Variants in TRPC3 observed in about 807,000 individuals in gnomAD.
TRPC3 encodes the protein short transient receptor potential channel 3.
Under a neutral mutation model 90.9 loss-of-function variants are expected in TRPC3, and 54 were observed. The observed-to-expected ratio is 0.59, with a 90% confidence interval of 0.48 to 0.75. The LOEUF (loss-of-function observed/expected upper bound fraction) is 0.75. Among genes scored for constraint, TRPC3 ranks in the 30% least tolerant of loss-of-function variants. TRPC3 has a pLI of 0.00. For synonymous variants in TRPC3, 424 were observed against 450.9 expected (o/e 0.94, Z 0.75); for missense variants, 918 against 1,194.5 (o/e 0.77, Z 3.41).
At position 121,935,941 on chromosome 4, in the gene TRPC3, C is replaced by G. The variant is rs192872765; in HGVS notation, c.216-2899G>C. Among the ~76,000 whole-genome samples, 478 of 152,246 alleles carry G rather than the reference C, an allele frequency of 3.1e-3. 6 individuals are homozygous for G. Among genetic ancestry groups the G allele is most frequent in the Middle Eastern group, 0.027 (8 of 294 alleles). ...TAGTATTTTACGGTTTTCCTTAATA[C>G]TTCTTATTCCTTCAAAAGCTATACC... On this transcript the variant is annotated intron_variant, in intron 1 of 11. Transcript: ENST00000379645.
In TRPC3 at chr4:121,915,386, G is replaced by A. The variant is rs1036430779; in HGVS notation, c.1177-442C>T. On this transcript the variant is annotated intron_variant, in intron 3 of 11. Transcript: ENST00000379645. ...AAAAGAGAAATGTGTGAAGTTTCGCGAGCAACCCCTAAAATGCTACATACA... is the reference window on the plus strand; with the variant it reads ...AAAAGAGAAATGTGTGAAGTTTCGCAAGCAACCCCTAAAATGCTACATACA... Among the ~76,000 whole-genome samples the A allele has an allele frequency of 6.6e-5, 10 of 152,116 alleles. No homozygotes were observed. The East Asian group carries it at 1.9e-3, about 29-fold the overall frequency.
intron 7 of TRPC3, among the ~76,000 whole-genome samples, chr4:121,906,877 T>C (rs899439929): frequency 6.6e-6 from 1 of 152,146 alleles, no homozygotes; most frequent in South Asian, 2.1e-4. Flanking sequence ...TAGTGGGCTA[T>C]AAAATGTTTA....
intron 8 of TRPC3, among the ~76,000 whole-genome samples, chr4:121,903,672 G>A (rs1728780642): frequency 6.6e-6 from 1 of 152,128 alleles, no homozygotes; most frequent in Non-Finnish European, 1.5e-5. Context: ...AAGGGAAGGG[G>A]TCCTTATGAG....
intron 9 of TRPC3, 73 bp from the exon 10 acceptor site, chr4:121,899,768 C>T (rs530478173): frequency 1.4e-4 from 167 of 1,183,612 alleles, no homozygotes; most frequent in Middle Eastern, 8.3e-4. Flanking sequence ...TCCATTTATT[C>T]TCCTTGATAA....
rs919238999 is a variant in TRPC3 at position 121,916,232 on chromosome 4, T to C, written c.1177-1288A>G. ...CCACTGACTGGTGCATAGTTTCCCATCAACAATTTTAATTAAAAAAGAAAG... is the reference window on the plus strand; with the variant it reads ...CCACTGACTGGTGCATAGTTTCCCACCAACAATTTTAATTAAAAAAGAAAG... On this transcript the variant is annotated intron_variant, in intron 3 of 11. Coordinates refer to ENST00000379645, the MANE Select transcript of TRPC3 (RefSeq NM_001130698.2). 3.9e-5 allele frequency among the ~76,000 whole-genome samples: 6 copies of C among 152,040 alleles called. No individual in the cohort carries two copies. The East Asian group carries it at 9.7e-4, about 25-fold the overall frequency.
At chr4:121,894,444 A>G (rs1242046585) in intron 10 of TRPC3, among the ~76,000 whole-genome samples, 2 of 151,916 alleles carry the variant, frequency 1.3e-5, no homozygotes, top group African/African-American at 4.8e-5. Flanking sequence ...TAGACAGATC[A>G]TTCAGACAGA....
chr4:121,891,733 A>G (rs1728335513), intron 10 of TRPC3, among the ~76,000 whole-genome samples: 1 of 152,190 alleles, frequency 6.6e-6, no homozygotes, highest in African/African-American at 2.4e-5. Flanking sequence ...AAACCTTACT[A>G]AAATAACCTG....
chr4:121,889,375 C>A (rs375916389), intron 10 of TRPC3, among the ~76,000 whole-genome samples: 1 of 152,166 alleles, frequency 6.6e-6, no homozygotes, highest in East Asian at 1.9e-4. Context: ...AACAACTCAA[C>A]AGCAAAAAAC....
chr4:121,944,680 C>G (rs182364530), intron 1 of TRPC3, among the ~76,000 whole-genome samples: 1 of 152,152 alleles, frequency 6.6e-6, no homozygotes, highest in Admixed American at 6.5e-5. Context: ...CTGTGCTTTG[C>G]GATAACCTTT....
intron 1 of TRPC3, among the ~76,000 whole-genome samples, chr4:121,948,840 G>T (rs1249338662): frequency 6.8e-6 from 1 of 147,960 alleles, no homozygotes; most frequent in African/African-American, 2.5e-5. Context: ...ACTCTTTGCG[G>T]TTTTTTTTTT....
At chr4:121,901,864 G>A (rs1470235505) in intron 9 of TRPC3, among the ~76,000 whole-genome samples, 1 of 152,068 alleles carries the variant, frequency 6.6e-6, no homozygotes, top group Non-Finnish European at 1.5e-5. Context: ...TAAATCATGG[G>A]CTGTCACAAC....
rs1727792916 is a variant in TRPC3, at chr4:121,877,407, C to T, written c.*2329G>A. Among the ~76,000 whole-genome samples the T allele has an allele frequency of 6.6e-6, 1 of 152,174 alleles. No individual in the cohort carries two copies. The highest frequency in any genetic ancestry group is 1.5e-5 in the Non-Finnish European group (1 of 68,032). The stretch of plus-strand genomic sequence containing the variant: ...CATGAACTGCACTGAATAGTTGGCC[C>T]CATCTTGAGACAAGGGGCCAGCCCT... On this transcript the variant is annotated 3_prime_UTR_variant, in exon 12 of 12. Transcript: ENST00000379645.
intron 3 of TRPC3, among the ~76,000 whole-genome samples, chr4:121,916,819 T>G (rs1729334665): frequency 1.3e-5 from 2 of 152,104 alleles, no homozygotes; most frequent in South Asian, 4.1e-4. Context: ...GTTCAAGTGA[T>G]TCTCCTACCT....
intron 10 of TRPC3, among the ~76,000 whole-genome samples, chr4:121,888,748 G>T (rs945028535): frequency 1.3e-5 from 2 of 151,838 alleles, no homozygotes; most frequent in South Asian, 4.2e-4. Flanking sequence ...TAATCAGGCT[G>T]CATGAAAAAA....
intron 3 of TRPC3, 61 bp downstream of exon 3, chr4:121,924,957 G>C (rs547328315): frequency 6.7e-7 from 1 of 1,503,238 alleles, no homozygotes; most frequent in Non-Finnish European, 9.0e-7. Context: ...CTAGGATTAT[G>C]GCATAGTTTG....
chr4:121,917,422 C>CTTCA (rs758433676), intron 3 of TRPC3, among the ~76,000 whole-genome samples: 2 of 152,230 alleles, frequency 1.3e-5, no homozygotes, highest in African/African-American at 2.4e-5. Flanking sequence ...CCTAAATGTC[C>CTTCA]TTCATTCATT....
chr4:121,906,974 A>G (rs1728903609), intron 7 of TRPC3, among the ~76,000 whole-genome samples: 1 of 152,126 alleles, frequency 6.6e-6, no homozygotes, highest in South Asian at 2.1e-4. Flanking sequence ...AAAGAAGAGT[A>G]CTGGCTACAA....
intron 10 of TRPC3, among the ~76,000 whole-genome samples, chr4:121,887,835 A>G (rs1174595154): frequency 6.6e-6 from 1 of 152,210 alleles, no homozygotes; most frequent in African/African-American, 2.4e-5. Context: ...AAATATTGTT[A>G]AAATTAGCAG....
At chr4:121,921,521 CAAAAAA>C (rs536564094) in intron 3 of TRPC3, among the ~76,000 whole-genome samples, 1 of 56,938 alleles carries the variant, frequency 1.8e-5, no homozygotes, top group African/African-American at 6.1e-5. Flanking sequence ...GACTCCGTCT[CAAAAAA>C]AAAAAAAAAA....
Sources: gnomAD v4.1 joint callset for allele counts (sites outside exome capture counted in the v4.1 genomes callset) on GRCh38, gnomAD v4.1.1 for gene constraint, MANE v1.5 for transcripts, NCBI Gene and HGNC (gene_info 2026-07-23, HGNC 2026-07-21) for gene names.